The following DTX4 variants were observed in gnomAD, a reference collection of about 807,000 sequenced individuals.
DTX4 encodes deltex E3 ubiquitin ligase 4.
Under a neutral mutation model 57.6 loss-of-function variants are expected in DTX4, and 28 were observed. The ratio of observed to expected loss-of-function variants is 0.49; its 90% CI spans 0.36 to 0.67. DTX4 has a LOEUF of 0.67. Ranked by LOEUF, DTX4 falls within the 30% of genes least tolerant of loss-of-function variation. DTX4 has a pLI of 0.00. For missense variants in DTX4, 715 were observed against 836.8 expected (o/e 0.85, Z 1.80); for synonymous variants, 316 against 331.0 (o/e 0.95, Z 0.49).
At position 59,204,833 on chromosome 11, in the gene DTX4, A is replaced by G; in HGVS notation, c.1784A>G (p.Asn595Ser). The change falls in exon 9 of 9, where the codon AAT becomes AGT. Residue 595 changes from asparagine to serine, a missense_variant. Transcript: ENST00000227451. ...ACTGGCCATGGCTACCCAGATGCCA[A>G]TTACCTGGATAATGTGCTGGCTGAA... ...NLTGHGYPDA[N>S]YLDNVLAELA... 1 of 1,610,326 alleles carries G rather than the reference A, an allele frequency of 6.2e-7. No individual in the cohort carries two copies. Among genetic ancestry groups the G allele is most frequent in the Non-Finnish European group, 8.5e-7 (1 of 1,178,164 alleles).
intron 1 of DTX4, 24 bp from the exon 2 acceptor site, chr11:59,181,715 C>T: frequency 6.4e-7 from 1 of 1,570,686 alleles, no homozygotes; most frequent in Non-Finnish European, 8.7e-7. Flanking sequence ...TGACTCTGAC[C>T]TCTCCCCTAT....
At position 59,181,926 on chromosome 11, in the gene DTX4, C is replaced by T. The variant is rs761234222; in HGVS notation, c.399C>T (p.Tyr133=). Residue 133 remains tyrosine, a synonymous_variant, in exon 2 of 9, where the codon TAC becomes TAT. Transcript: ENST00000227451. The stretch of plus-strand genomic sequence containing the variant: ...ACCTCACTTCCATTGGCTTTAGCTA[C>T]GTAATTGACTTCAACACCATGGGCC... ...WIDLTSIGFS[Y]VIDFNTMGQI... 21 of 1,613,864 alleles carry T rather than the reference C, an allele frequency of 1.3e-5. No individual in the cohort carries two copies. The highest frequency in any genetic ancestry group is 2.7e-5 in the African/African-American group (2 of 74,930).
At position 59,204,978 on chromosome 11, in the gene DTX4, A is replaced by G. The variant is rs1862787259; in HGVS notation, c.*69A>G. ...GACAGGAAGTGAGGAGAGTGAGTCA[A>G]TGTAGAAGAAGTTGGTGTCCTGCCC... is the stretch of plus-strand genomic sequence containing the variant. On this transcript the variant is annotated 3_prime_UTR_variant, in exon 9 of 9. Transcript: ENST00000227451. The G allele has an allele frequency of 7.1e-7, 1 of 1,400,814 alleles. No homozygotes were observed. The highest frequency in any genetic ancestry group is 9.8e-7 in the Non-Finnish European group (1 of 1,018,348). 86.8% of individuals were successfully genotyped at this position (1,400,814 alleles called of 1,614,324 possible). A position where few individuals can be genotyped will look rare whatever the true frequency, so the allele number is the denominator to read the frequency against.
intron 7 of DTX4, among the ~76,000 whole-genome samples, chr11:59,196,096 T>A (rs929129027): frequency 6.6e-6 from 1 of 152,266 alleles, no homozygotes; most frequent in Non-Finnish European, 1.5e-5. Flanking sequence ...ACTGTATGCA[T>A]TTCTTTAGCA....
intron 7 of DTX4, among the ~76,000 whole-genome samples, chr11:59,198,450 G>T (rs763855983): frequency 6.6e-6 from 1 of 152,132 alleles, no homozygotes; most frequent in Non-Finnish European, 1.5e-5. Context: ...AGGCGTTGTT[G>T]CTTCTTTCAG....
At chr11:59,194,485 A>T (rs113206054) in intron 6 of DTX4, among the ~76,000 whole-genome samples, 1,933 of 152,284 alleles carry the variant, frequency 0.013, 47 homozygotes, top group African/African-American at 0.044. Context: ...CCAAACCTGT[A>T]TGAGCATCAG....
intron 2 of DTX4, among the ~76,000 whole-genome samples, chr11:59,182,974 C>T (rs758976745): frequency 6.6e-6 from 1 of 152,192 alleles, no homozygotes; most frequent in Non-Finnish European, 1.5e-5. Flanking sequence ...ACATTAATAA[C>T]ATTAATTGAA....
upstream of DTX4, among the ~76,000 whole-genome samples, chr11:59,171,960 AAC>A (rs927282103): frequency 3.5e-4 from 53 of 152,230 alleles, no homozygotes; most frequent in African/African-American, 1.1e-3. Flanking sequence ...GAACCAGGGA[AAC>A]ACACGCGGGC....
intron 5 of DTX4, 72 bp from the exon 6 acceptor site, chr11:59,192,026 T>C (rs1862604921): frequency 1.3e-6 from 2 of 1,554,626 alleles, no homozygotes; most frequent in Non-Finnish European, 1.8e-6. Flanking sequence ...ATCTGACCTC[T>C]GAGATCATGT....
At chr11:59,171,890 G>T (rs1357287303), upstream of DTX4, among the ~76,000 whole-genome samples, 2 of 152,174 alleles carry the variant, frequency 1.3e-5, no homozygotes, top group Non-Finnish European at 2.9e-5. Flanking sequence ...GCAAAGTTGC[G>T]GCTGGGCGAC....
intron 7 of DTX4, among the ~76,000 whole-genome samples, chr11:59,196,272 A>C (rs1210144778): frequency 6.6e-6 from 1 of 152,210 alleles, no homozygotes; most frequent in East Asian, 1.9e-4. Flanking sequence ...CCCCTATTCT[A>C]GTGGGGCCAG....
chr11:59,207,866 T>C lies in DTX4; in HGVS notation c.*2957T>C, dbSNP rs1862834286. 1 of 152,674 alleles carries C rather than the reference T, an allele frequency of 6.5e-6. No individual in the cohort carries two copies. Among genetic ancestry groups the C allele is most frequent in the East Asian group, 1.9e-4 (1 of 5,204 alleles). The allele number at this position is 152,674 out of a possible 1,614,324, so 9.5% of individuals were successfully genotyped here. ...TTCATTCTCTTCCCATTTTTGTACA[T>C]TTTGGTCTTCTCTGTGGTTTTATAC... On this transcript the variant is annotated 3_prime_UTR_variant, in exon 9 of 9. Transcript: ENST00000227451.
intron 1 of DTX4, among the ~76,000 whole-genome samples, chr11:59,180,801 TA>T (rs1208786703): frequency 1.3e-5 from 2 of 152,082 alleles, no homozygotes; most frequent in Non-Finnish European, 2.9e-5. Context: ...GCTGTACCAT[TA>T]CCCTGTAATA....
intron 7 of DTX4, among the ~76,000 whole-genome samples, chr11:59,199,314 G>T (rs577334907): frequency 2.5e-4 from 38 of 152,340 alleles, no homozygotes; most frequent in Middle Eastern, 3.4e-3. Context: ...AGATGATGAA[G>T]ATGATGGACA....
Position 59,195,311 on chromosome 11 carries a change from C to G in DTX4, c.1478C>G (p.Pro493Arg), listed in dbSNP as rs776593540. 1 of 1,613,996 alleles carries G rather than the reference C, an allele frequency of 6.2e-7. No homozygotes were observed. The highest frequency in any genetic ancestry group is 1.1e-5 in the South Asian group (1 of 91,082). The stretch of plus-strand genomic sequence containing the variant: ...TACCACCTCATCCCCCACTCCTTGC[C>G]TGGCCACCCAGACTGCAAAACCATC... The part of the protein sequence containing the change: ...MEYHLIPHSL[P>R]GHPDCKTIRI... The change falls in exon 7 of 9, where the codon CCT (proline) becomes CGT (arginine). Residue 493 changes from proline (P) to arginine (R), a missense_variant. By Grantham distance (103) the Pro-to-Arg change is moderately radical. Transcript: ENST00000227451.
At chr11:59,172,841 TC>T in intron 1 of DTX4, 35 bp downstream of exon 1, 1 of 1,471,436 alleles carries the variant, frequency 6.8e-7, no homozygotes. Flanking sequence ...CCCCGCCTGC[TC>T]CCACCTTCCC....
chr11:59,172,614 G>C lies in DTX4; in HGVS notation c.19G>C (p.Val7Leu). Reference protein sequence around the residue: MLLASAVVVWEWLNEHG... With the variant: MLLASALVVWEWLNEHG... ...GCTCGCCATGCTCCTGGCCTCGGCC[G>C]TGGTGGTCTGGGAATGGCTGAACGA... The change falls in exon 1 of 9, where the codon GTG becomes CTG. Residue 7 changes from valine (V) to leucine (L), a missense_variant. Val to Leu is a conservative substitution (Grantham distance 32). Coordinates refer to ENST00000227451, the MANE Select transcript of DTX4 (RefSeq NM_015177.2). 6.4e-7 allele frequency: 1 copy of C among 1,562,762 alleles called. No individual in the cohort carries two copies. Among genetic ancestry groups the C allele is most frequent in the Non-Finnish European group, 8.6e-7 (1 of 1,162,400 alleles).
At chr11:59,173,612 C>A (rs537976715) in intron 1 of DTX4, among the ~76,000 whole-genome samples, 1 of 152,296 alleles carries the variant, frequency 6.6e-6, no homozygotes, top group South Asian at 2.1e-4. Flanking sequence ...CCCCAGGCTT[C>A]CTCTTGAAAC....
At chr11:59,184,991 C>T (rs1862510459) in intron 2 of DTX4, among the ~76,000 whole-genome samples, 1 of 152,190 alleles carries the variant, frequency 6.6e-6, no homozygotes, top group South Asian at 2.1e-4. Context: ...CCTCCTCTCT[C>T]TGCCCATGAC....
Sources: gnomAD v4.1 joint callset for allele counts (sites outside exome capture counted in the v4.1 genomes callset) on GRCh38, gnomAD v4.1.1 for gene constraint, MANE v1.5 for transcripts, NCBI Gene and HGNC (gene_info 2026-07-23, HGNC 2026-07-21) for gene names.